The following UTY variants were observed in gnomAD, a reference collection of about 807,000 sequenced individuals.
UTY encodes ubiquitously transcribed tetratricopeptide repeat containing, Y-linked.
Under a neutral mutation model 32.5 loss-of-function variants are expected in UTY, and 12 were observed. The observed-to-expected ratio is 0.37, with a 90% CI of 0.24 to 0.60. The LOEUF (loss-of-function observed/expected upper bound fraction) is 0.60. Among genes scored for constraint, UTY ranks in the 20% least tolerant of loss-of-function variants. The probability of loss-of-function intolerance (pLI) is 0.69; values close to 1 mark genes in which losing one functional copy is unlikely to be tolerated. For missense variants in UTY, 303 were observed against 299.2 expected, an observed-to-expected ratio of 1.01 and a Z score of -0.09; for synonymous variants, 131 against 103.4, an observed-to-expected ratio of 1.27 and a Z score of -1.62.
At chrY:13,449,146 T>C in intron 3 of UTY, 80 bp from the exon 4 acceptor site, 1 of 198,497 alleles carries the variant, frequency 5.0e-6, no homozygotes, top group Non-Finnish European at 8.1e-6. Flanking sequence ...GATATTTTAA[T>C]ATAAGCTGCC....
At chrY:13,452,134 C>T in intron 3 of UTY, among the ~76,000 whole-genome samples, 2 of 32,936 alleles carry the variant, frequency 6.1e-5, no homozygotes, top group East Asian at 1.6e-3. Context: ...TTTTGGGGGC[C>T]GAGGTGGGTG....
At chrY:13,301,166 C>T (rs374940135) in intron 25 of UTY, among the ~76,000 whole-genome samples, 2 of 32,706 alleles carry the variant, frequency 6.1e-5, no homozygotes, top group East Asian at 1.6e-3. Context: ...GCTGGGATTA[C>T]AGGCATGAGC....
At chrY:13,309,101 TATG>T (rs2058859283) in intron 21 of UTY, among the ~76,000 whole-genome samples, 1 of 33,374 alleles carries the variant, frequency 3.0e-5, no homozygotes, top group African/African-American at 1.2e-4. Flanking sequence ...TAAAATTTAT[TATG>T]ATAATGATTG....
At chrY:13,350,562 C>T in intron 17 of UTY, among the ~76,000 whole-genome samples, 1 of 33,223 alleles carries the variant, frequency 3.0e-5, no homozygotes, top group Non-Finnish European at 7.4e-5. Context: ...AATAGCTCTA[C>T]TGTGCCATCA....
intron 8 of UTY, among the ~76,000 whole-genome samples, chrY:13,373,906 T>C: frequency 6.0e-5 from 2 of 33,384 alleles, no homozygotes; most frequent in African/African-American, 2.4e-4. Context: ...TGTGTAACCA[T>C]CATCACTATT....
chrY:13,429,083 T>A, intron 4 of UTY, among the ~76,000 whole-genome samples: 2 of 34,066 alleles, frequency 5.9e-5, no homozygotes, highest in African/African-American at 2.3e-4. Context: ...TTTTCAGAAT[T>A]TTCTGTACAT....
At chrY:13,420,302 T>C (rs994032166) in intron 4 of UTY, among the ~76,000 whole-genome samples, 4 of 33,378 alleles carry the variant, frequency 1.2e-4, no homozygotes, top group Non-Finnish European at 3.0e-4. Context: ...CAACATTAAA[T>C]AGCTATGGCA....
chrY:13,401,897 T>C, intron 6 of UTY, among the ~76,000 whole-genome samples: 1 of 32,534 alleles, frequency 3.1e-5, no homozygotes, highest in African/African-American at 1.2e-4. Flanking sequence ...ATAAAATAAC[T>C]TGCAAGATTA....
intron 21 of UTY, among the ~76,000 whole-genome samples, chrY:13,316,457 CT>C (rs2059493527): frequency 2.1e-4 from 6 of 28,933 alleles, no homozygotes; most frequent in Non-Finnish European, 4.2e-4. Context: ...GTTTTCTTTT[CT>C]TTTTTTTTTA....
At chrY:13,270,817 C>G in intron 27 of UTY, among the ~76,000 whole-genome samples, 1 of 33,471 alleles carries the variant, frequency 3.0e-5, no homozygotes, top group Non-Finnish European at 7.4e-5. Context: ...TGGTAGCTCA[C>G]GCCTGTAATC....
At chrY:13,331,543 C>T in intron 18 of UTY, among the ~76,000 whole-genome samples, 1 of 34,063 alleles carries the variant, frequency 2.9e-5, no homozygotes, top group African/African-American at 1.1e-4. Context: ...CAAAGGATCA[C>T]AACTCTTCTC....
rs751890196 is a variant in UTY at position 13,462,847 on chromosome Y, A to G, written c.325+7274T>C. On this transcript the variant is annotated intron_variant, in intron 3 of 29. Coordinates refer to ENST00000545955, the MANE Select transcript of UTY (RefSeq NM_001258249.2). ...AATTCTGTGAAGTTTTTGAGGATAT[A>G]TACATATATATATATATATGTACAT... Among the ~76,000 whole-genome samples, 149 of 30,614 alleles carry G rather than the reference A, an allele frequency of 4.9e-3. No homozygotes were observed. In the South Asian group the frequency reaches 0.1, roughly 21 times the overall value. The allele number at this position is 30,614 out of a possible 37,273, so 82.1% of individuals were successfully genotyped here. A position where few individuals can be genotyped will look rare whatever the true frequency, so the allele number is the denominator to read the frequency against.
rs1046527629 is a variant in UTY, at chrY:13,392,376, C to T, written c.645+1483G>A. ...TTCCACTATTGGAACGCTAAGCATG[C>T]GGGGGTTACTTATATCCTATTGCTT... On this transcript the variant is annotated intron_variant, in intron 8 of 29. Transcript: ENST00000545955. Among the ~76,000 whole-genome samples, 3 of 33,439 alleles carry T rather than the reference C, an allele frequency of 9.0e-5. No homozygotes were observed. In the East Asian group the frequency reaches 2.3e-3, roughly 26 times the overall value. 89.7% of individuals were successfully genotyped at this position (33,439 alleles called of 37,273 possible).
chrY:13,317,526 A>C, intron 21 of UTY, among the ~76,000 whole-genome samples: 1 of 33,600 alleles, frequency 3.0e-5, no homozygotes. Flanking sequence ...GGAATGAACA[A>C]GGACAGTGTG....
chrY:13,256,870 C>T (rs547464582), intron 28 of UTY, among the ~76,000 whole-genome samples: 82 of 33,992 alleles, frequency 2.4e-3, no homozygotes, highest in African/African-American at 8.7e-3. Flanking sequence ...AGGGCTCATA[C>T]GCCTCTTCCA....
chrY:13,243,450 A>C, downstream of UTY, among the ~76,000 whole-genome samples: 1 of 32,480 alleles, frequency 3.1e-5, no homozygotes, highest in East Asian at 7.9e-4. Flanking sequence ...AAAAACAAAA[A>C]TAAACAAATG....
At chrY:13,428,037 G>T (rs2073524393) in intron 4 of UTY, among the ~76,000 whole-genome samples, 1 of 32,918 alleles carries the variant, frequency 3.0e-5, no homozygotes, top group Non-Finnish European at 7.5e-5. Context: ...CATACCCTTT[G>T]CCCAAATTTT....
intron 6 of UTY, among the ~76,000 whole-genome samples, chrY:13,398,345 G>A: frequency 3.0e-5 from 1 of 33,516 alleles, no homozygotes; most frequent in Non-Finnish European, 7.4e-5. Flanking sequence ...GGGCTTTTCA[G>A]CAAATGGTGT....
chrY:13,378,148 C>CA (rs2065608854), intron 8 of UTY, among the ~76,000 whole-genome samples: 1 of 32,989 alleles, frequency 3.0e-5, no homozygotes, highest in African/African-American at 1.2e-4. Context: ...GGTAAAAAGG[C>CA]AAGGAAATAG....
Sources: allele counts gnomAD v4.1 joint callset (sites outside exome capture counted in the v4.1 genomes callset), GRCh38; gene constraint gnomAD v4.1.1; transcripts MANE v1.5; gene names NCBI Gene and HGNC (gene_info 2026-07-23, HGNC 2026-07-21).